FMN1: variants seen among roughly 807,000 people sequenced by gnomAD.
FMN1 encodes formin-1.
FMN1 carries 110 observed loss-of-function variants against 132.4 expected under a neutral mutation model. The observed-to-expected ratio is 0.83, with a 90% CI of 0.71 to 0.97. The LOEUF (loss-of-function observed/expected upper bound fraction) is 0.97. Among genes scored for constraint, FMN1 ranks in the 50% least tolerant of loss-of-function variants. The probability of loss-of-function intolerance (pLI) is 0.00; values close to 1 mark genes in which losing one functional copy is unlikely to be tolerated. For synonymous variants in FMN1, 722 were observed against 651.7 expected (o/e 1.11, Z -1.64); for missense variants, 1,792 against 1,705.3 (o/e 1.05, Z -0.90).
At chr15:32,938,573 G>A (rs148324368) in intron 9 of FMN1, among the ~76,000 whole-genome samples, 13 of 152,200 alleles carry the variant, frequency 8.5e-5, no homozygotes, top group Non-Finnish European at 1.6e-4. Flanking sequence ...ATGCTACAAC[G>A]AACAAGCAGG....
intron 19 of FMN1, among the ~76,000 whole-genome samples, chr15:32,786,347 C>T (rs1291478147): frequency 2.0e-5 from 3 of 152,200 alleles, no homozygotes; most frequent in African/African-American, 7.2e-5. Flanking sequence ...TTGGCCCTCA[C>T]TGTAGATCAC....
chr15:32,942,306 A>G (rs2061418359), intron 9 of FMN1, among the ~76,000 whole-genome samples: 1 of 152,256 alleles, frequency 6.6e-6, no homozygotes, highest in African/African-American at 2.4e-5. Flanking sequence ...ATGGGAAGAC[A>G]GATTTGCTAC....
At chr15:32,831,093 T>C (rs1166111189) in intron 17 of FMN1, among the ~76,000 whole-genome samples, 1 of 152,192 alleles carries the variant, frequency 6.6e-6, no homozygotes, top group Non-Finnish European at 1.5e-5. Flanking sequence ...TGAGTTCAAT[T>C]TCCTCCTTTG....
intron 3 of FMN1, among the ~76,000 whole-genome samples, chr15:33,157,993 CAAAAA>C (rs71756813): frequency 5.7e-5 from 7 of 123,520 alleles, no homozygotes; most frequent in African/African-American, 2.4e-4. Flanking sequence ...CCCTGTCTTT[CAAAAA>C]AAAAAAAAAA....
intron 17 of FMN1, among the ~76,000 whole-genome samples, chr15:32,849,623 A>C (rs890817238): frequency 6.6e-6 from 1 of 152,076 alleles, no homozygotes; most frequent in Admixed American, 6.6e-5. Context: ...CTTTTAGATA[A>C]AAGCCTACCT....
chr15:32,998,523 T>C (rs867613010), intron 7 of FMN1, among the ~76,000 whole-genome samples: 6 of 152,232 alleles, frequency 3.9e-5, no homozygotes, highest in Middle Eastern at 6.8e-3. Context: ...AAGAGTGATG[T>C]GTGATTGTAT....
chr15:32,799,603 A>G (rs539692531), intron 18 of FMN1, among the ~76,000 whole-genome samples: 9 of 152,348 alleles, frequency 5.9e-5, no homozygotes, highest in Middle Eastern at 6.8e-3. Flanking sequence ...AGGCATAGCA[A>G]GTTTTGGATG....
Position 33,154,316 on chromosome 15 carries a change from T to G in FMN1, c.599A>C (p.His200Pro). ...CCTTGTTCTAGAAAGAGGAAGGGAG[T>G]GGCTGGAACAGATCTTGTCCTTGCC... is the stretch of plus-strand genomic sequence containing the variant. ...LMGKDKICSS[H>P]SLPLSRTRPN... Residue 200 changes from histidine (H) to proline (P), a missense_variant, in exon 4 of 21, where the codon CAC becomes CCC. Around this residue, in one of 3 missense-constraint regions of FMN1, gnomAD observed 638 missense variants for 645.2 expected, o/e 0.99. Transcript: ENST00000616417. 1 of 1,536,028 alleles carries G rather than the reference T, an allele frequency of 6.5e-7. No homozygotes were observed. Among genetic ancestry groups the G allele is most frequent in the Non-Finnish European group, 8.7e-7 (1 of 1,146,898 alleles).
At chr15:33,095,824 A>G (rs953737328) in intron 4 of FMN1, among the ~76,000 whole-genome samples, 17 of 152,182 alleles carry the variant, frequency 1.1e-4, no homozygotes, top group African/African-American at 3.9e-4. Context: ...TTGAAGACAT[A>G]TGATGTAATT....
chr15:33,049,720 T>A (rs1437382821), intron 6 of FMN1, among the ~76,000 whole-genome samples: 1 of 152,234 alleles, frequency 6.6e-6, no homozygotes, highest in Non-Finnish European at 1.5e-5. Flanking sequence ...CACTGAGTTT[T>A]AGCCAATAAA....
At chr15:32,869,444 T>C (rs942889036) in intron 16 of FMN1, among the ~76,000 whole-genome samples, 1 of 152,190 alleles carries the variant, frequency 6.6e-6, no homozygotes, top group Non-Finnish European at 1.5e-5. Context: ...GAGGGAGTCA[T>C]GAGCAAGCTC....
chr15:33,040,261 G>C (rs1298466103), intron 6 of FMN1, among the ~76,000 whole-genome samples: 2 of 152,250 alleles, frequency 1.3e-5, no homozygotes, highest in Non-Finnish European at 2.9e-5. Flanking sequence ...TACTTATGTA[G>C]GACTGATGAC....
intron 16 of FMN1, among the ~76,000 whole-genome samples, chr15:32,876,123 T>G (rs1229343130): frequency 2.6e-5 from 4 of 152,244 alleles, no homozygotes; most frequent in Non-Finnish European, 5.9e-5. Context: ...TAATGCTATT[T>G]TCCAGTCCTC....
intron 7 of FMN1, among the ~76,000 whole-genome samples, chr15:32,993,749 T>C (rs577275720): frequency 9.9e-5 from 15 of 152,170 alleles, no homozygotes; most frequent in African/African-American, 3.6e-4. Flanking sequence ...TCAGCACCGG[T>C]AGAAAGGTAA....
intron 16 of FMN1, among the ~76,000 whole-genome samples, chr15:32,873,612 G>A (rs1255634118): frequency 6.6e-6 from 1 of 152,162 alleles, no homozygotes; most frequent in African/African-American, 2.4e-5. Flanking sequence ...GTGTGTGTAA[G>A]CATCTGAGGA....
At chr15:33,082,093 A>AGTG (rs2038498655) in intron 5 of FMN1, among the ~76,000 whole-genome samples, 1 of 120,334 alleles carries the variant, frequency 8.3e-6, no homozygotes. Flanking sequence ...CTGGAAAACA[A>AGTG]TGTGTGTGTG....
chr15:33,062,201 T>C (rs1455896445), intron 6 of FMN1, among the ~76,000 whole-genome samples: 3 of 152,198 alleles, frequency 2.0e-5, no homozygotes, highest in Non-Finnish European at 4.4e-5. Context: ...CTCTTATGTA[T>C]AGCAATTCTA....
intron 8 of FMN1, 25 bp downstream of exon 8, chr15:32,968,689 G>A (rs1472945528): frequency 1.2e-6 from 2 of 1,611,050 alleles, no homozygotes; most frequent in Admixed American, 1.7e-5. Context: ...TTCACATGCT[G>A]AGAATGGGAT....
At chr15:33,025,130 T>C (rs2035606949) in intron 6 of FMN1, among the ~76,000 whole-genome samples, 1 of 152,178 alleles carries the variant, frequency 6.6e-6, no homozygotes, top group South Asian at 2.1e-4. Flanking sequence ...TCAAATATAT[T>C]TGTAATGTTT....
Sources: allele counts gnomAD v4.1 joint callset (sites outside exome capture counted in the v4.1 genomes callset), GRCh38; gene constraint gnomAD v4.1.1; regional missense constraint gnomAD v4.1.1; transcripts MANE v1.5; gene names NCBI Gene and HGNC (gene_info 2026-07-23, HGNC 2026-07-21).